The following XKR9 variants were observed in gnomAD, a reference collection of about 807,000 sequenced individuals.
XKR9 encodes the protein XK-related protein 9.
XKR9 carries 32 observed loss-of-function variants against 32.0 expected under a neutral mutation model. The ratio of observed to expected loss-of-function variants is 1.00; its 90% confidence interval spans 0.76 to 1.34. The LOEUF (loss-of-function observed/expected upper bound fraction) is 1.34, where lower values mean the gene tolerates loss of function less well. Ranked by LOEUF, XKR9 falls within the 40% of genes most tolerant of loss-of-function variation. XKR9 has a pLI of 0.00. For synonymous variants in XKR9, 168 were observed against 143.4 expected, an observed-to-expected ratio of 1.17 and a Z score of -1.22; for missense variants, 546 against 429.7, an observed-to-expected ratio of 1.27 and a Z score of -2.39.
chr8:70,737,773 C>A (rs1806891849), downstream of XKR9, among the ~76,000 whole-genome samples: 2 of 129,732 alleles, frequency 1.5e-5, no homozygotes, highest in African/African-American at 2.7e-5. Context: ...GATTACATTT[C>A]TTGATTTGCA....
chr8:70,782,188 T>G (rs981364183), intron 2 of XKR9, among the ~76,000 whole-genome samples: 7 of 152,182 alleles, frequency 4.6e-5, no homozygotes, highest in Non-Finnish European at 7.3e-5. Context: ...TTTGAAAGAC[T>G]TTAAATTAGT....
At chr8:70,919,809 G>A in the XKR9 span, among the ~76,000 whole-genome samples, 1 of 152,164 alleles carries the variant, frequency 6.6e-6, no homozygotes, top group Non-Finnish European at 1.5e-5. Flanking sequence ...CACCCAGCAC[G>A]CAGGAAAGGG....
intron 3 of XKR9, among the ~76,000 whole-genome samples, chr8:70,691,254 G>A (rs1805061047): frequency 1.3e-5 from 2 of 151,966 alleles, no homozygotes; most frequent in African/African-American, 4.8e-5. Context: ...TTTTTAATGG[G>A]GTTGCTTGTT....
chr8:70,765,105 C>T (rs963575385), intron 2 of XKR9, among the ~76,000 whole-genome samples: 1 of 152,216 alleles, frequency 6.6e-6, no homozygotes, highest in East Asian at 1.9e-4. Context: ...TGGGAATATA[C>T]CCAGTAATGG....
chr8:70,716,187 T>A (rs893127346), intron 4 of XKR9, among the ~76,000 whole-genome samples: 29 of 152,016 alleles, frequency 1.9e-4, no homozygotes, highest in African/African-American at 6.0e-4. Flanking sequence ...TAAGAAATAA[T>A]TAGAGGGTTA....
the XKR9 span, among the ~76,000 whole-genome samples, chr8:70,873,711 G>T: frequency 3.3e-5 from 5 of 152,322 alleles, no homozygotes; most frequent in South Asian, 1.0e-3. Context: ...TGAAGATGCT[G>T]TAAACATCAT....
intron 2 of XKR9, among the ~76,000 whole-genome samples, chr8:70,743,130 G>A (rs1807011900): frequency 6.6e-6 from 1 of 151,862 alleles, no homozygotes; most frequent in Non-Finnish European, 1.5e-5. Context: ...TTAGATTGGA[G>A]TTTTCTTCAG....
chr8:70,726,051 A>G (rs1160804028), intron 4 of XKR9, among the ~76,000 whole-genome samples: 1 of 152,222 alleles, frequency 6.6e-6, no homozygotes, highest in African/African-American at 2.4e-5. Flanking sequence ...GCAGAATCCA[A>G]TTTGAGGCAC....
downstream of XKR9, among the ~76,000 whole-genome samples, chr8:70,791,068 T>C (rs540989992): frequency 4.6e-5 from 7 of 152,132 alleles, no homozygotes; most frequent in South Asian, 1.5e-3. Context: ...TGGGGGAGGA[T>C]TTAAACATAA....
the XKR9 span, among the ~76,000 whole-genome samples, chr8:70,961,185 C>CA: frequency 3.3e-5 from 5 of 151,948 alleles, no homozygotes; most frequent in South Asian, 2.1e-4. Flanking sequence ...AAAACAAAGA[C>CA]AAAAAAACAA....
intron 3 of XKR9, among the ~76,000 whole-genome samples, chr8:70,704,711 G>T (rs1393315500): frequency 6.6e-6 from 1 of 152,134 alleles, no homozygotes; most frequent in Non-Finnish European, 1.5e-5. Flanking sequence ...AATTTCTCAA[G>T]TTTTTCAATA....
intron 4 of XKR9, among the ~76,000 whole-genome samples, chr8:70,732,937 G>A (rs185065420): frequency 6.6e-6 from 1 of 152,270 alleles, no homozygotes; most frequent in East Asian, 1.9e-4. Context: ...CGCCAACATG[G>A]TGAAACTCCA....
At chr8:70,852,094 A>C in the XKR9 span, among the ~76,000 whole-genome samples, 1 of 152,222 alleles carries the variant, frequency 6.6e-6, no homozygotes, top group Non-Finnish European at 1.5e-5. Context: ...CAAGAAAAAA[A>C]CAAACAATCC....
At chr8:70,725,090 T>G (rs148816151) in intron 4 of XKR9, among the ~76,000 whole-genome samples, 5 of 152,216 alleles carry the variant, frequency 3.3e-5, no homozygotes, top group Non-Finnish European at 7.4e-5. Context: ...CAGAGGCCCT[T>G]TATGAAACCA....
chr8:70,947,583 C>G, the XKR9 span, among the ~76,000 whole-genome samples: 2 of 152,146 alleles, frequency 1.3e-5, no homozygotes, highest in Non-Finnish European at 2.9e-5. Flanking sequence ...AGGAAAATAT[C>G]CAATTGATGT....
intron 3 of XKR9, among the ~76,000 whole-genome samples, chr8:70,685,867 T>C: frequency 6.6e-6 from 1 of 151,838 alleles, no homozygotes. Context: ...ACATGTACTC[T>C]AAAACTTAAA....
intron 2 of XKR9, among the ~76,000 whole-genome samples, chr8:70,744,651 G>C (rs35841748): frequency 0.3 from 45,003 of 152,158 alleles, 8,661 homozygotes; most frequent in Non-Finnish European, 0.43. Flanking sequence ...TGTCACCCAG[G>C]CTGGAGTGCA....
the XKR9 span, among the ~76,000 whole-genome samples, chr8:70,970,024 C>T: frequency 6.6e-6 from 1 of 152,184 alleles, no homozygotes; most frequent in Admixed American, 6.6e-5. Flanking sequence ...TGAGTAACTT[C>T]ACTTAGATTA....
the XKR9 span, among the ~76,000 whole-genome samples, chr8:70,929,729 C>T: frequency 2.0e-4 from 31 of 152,164 alleles, no homozygotes; most frequent in Non-Finnish European, 3.4e-4. Flanking sequence ...AAATGGTCAT[C>T]GAGTCCCTCT....
Sources: allele counts gnomAD v4.1 joint callset (sites outside exome capture counted in the v4.1 genomes callset), GRCh38; gene constraint gnomAD v4.1.1; transcripts MANE v1.5; gene names NCBI Gene and HGNC (gene_info 2026-07-23, HGNC 2026-07-21).